Variants in PTK6 observed in about 807,000 individuals in gnomAD.
PTK6 encodes the protein protein-tyrosine kinase 6.
In PTK6, 47 loss-of-function variants were observed where a neutral mutation model predicts 47.5. That is an observed-to-expected ratio of 0.99 (90% CI 0.78 to 1.26). The LOEUF (loss-of-function observed/expected upper bound fraction) is 1.26. Among genes scored for constraint, PTK6 ranks in the 50% most tolerant of loss-of-function variants. PTK6 has a pLI of 0.00. For synonymous variants in PTK6, 287 were observed against 276.5 expected, an observed-to-expected ratio of 1.04 and a Z score of -0.38; for missense variants, 618 against 625.3, an observed-to-expected ratio of 0.99 and a Z score of 0.12.
chr20:63,534,509 C>T (rs2082649281), intron 2 of PTK6, among the ~76,000 whole-genome samples, 194 bp from the exon 3 acceptor site: 1 of 152,306 alleles, frequency 6.6e-6, no homozygotes, highest in South Asian at 2.1e-4. Context: ...AGCTCTCTGG[C>T]CCCTCCTGCC....
rs565400172 is a variant in PTK6, at chr20:63,530,189, A to G, written c.1057T>C (p.Trp353Arg). 4.3e-6 allele frequency: 7 copies of G among 1,613,884 alleles called. No homozygotes were observed. The highest frequency in any genetic ancestry group is 5.9e-6 in the Non-Finnish European group (7 of 1,179,964). ...LSHDHNIPYK[W>R]TAPEALSRGH... is the part of the protein sequence containing the mutation. ...CGGGAGAGCGCTTCAGGGGCCGTCC[A>G]CTTGTAGGGGATATTGTGGTCATGG... The change falls in exon 7 of 8, where the codon TGG (tryptophan) becomes CGG (arginine). Residue 353 changes from tryptophan (W) to arginine (R), a missense_variant. Coordinates refer to ENST00000542869, the MANE Select transcript of PTK6 (RefSeq NM_005975.4). The surrounding 1 kb of genome is among the most constrained non-coding windows in gnomAD (Gnocchi z 4.1).
At chr20:63,535,435 C>T (rs2082657109) in intron 1 of PTK6, among the ~76,000 whole-genome samples, 1 of 151,830 alleles carries the variant, frequency 6.6e-6, no homozygotes, top group African/African-American at 2.4e-5. Flanking sequence ...AACCCCCACA[C>T]ATGCGCACAG....
chr20:63,534,282 A>G lies in PTK6; in HGVS notation c.386T>C (p.Ile129Thr). 1 of 1,608,876 alleles carries G rather than the reference A, an allele frequency of 6.2e-7. No individual in the cohort carries two copies. The highest frequency in any genetic ancestry group is 8.5e-7 in the Non-Finnish European group (1 of 1,178,836). The change falls in exon 3 of 8, where the codon ATC (isoleucine) becomes ACC (threonine). Residue 129 changes from isoleucine to threonine, a missense_variant. Coordinates refer to ENST00000542869, the MANE Select transcript of PTK6 (RefSeq NM_005975.4). ...RDTQAVRHYK[I>T]WRRAGGRLHL... ...CAGCCGGCCCCCGGCACGCCGCCAG[A>G]TCTTGTAGTGCCGCACAGCCTGCGT...
At position 63,530,321 on chromosome 20, in the gene PTK6, G is replaced by A. The variant is rs2082608063; in HGVS notation, c.1015-90C>T. 16 of 1,509,308 alleles carry A rather than the reference G, an allele frequency of 1.1e-5. No individual in the cohort carries two copies. The Admixed American group carries it at 1.4e-4, about 13-fold the overall frequency. The allele number at this position is 1,509,308 out of a possible 1,614,324, so 93.5% of individuals were successfully genotyped here. ...CGGGCACAGCGGCCGCATTGCCCCA[G>A]CAGTGGGACGGTGATGACCCCACTG... is the stretch of plus-strand genomic sequence containing the variant. On this transcript the variant is annotated intron_variant, in intron 6 of 7. Transcript: ENST00000542869. This position sits in a 1 kb window ranked among gnomAD's most constrained non-coding sequence, Gnocchi z 4.1.
rs1600930449 is a variant in PTK6, at chr20:63,529,384, G to C, written c.*152C>G. 4 of 833,624 alleles carry C rather than the reference G, an allele frequency of 4.8e-6. No homozygotes were observed. In the African/African-American group the frequency reaches 5.3e-5, roughly 11 times the overall value. The allele number at this position is 833,624 out of a possible 1,614,324, so 51.6% of individuals were successfully genotyped here. A position where few individuals can be genotyped will look rare whatever the true frequency, so the allele number is the denominator to read the frequency against. On this transcript the variant is annotated 3_prime_UTR_variant, in exon 8 of 8. Coordinates refer to ENST00000542869, the MANE Select transcript of PTK6 (RefSeq NM_005975.4). This position sits in a 1 kb window ranked among gnomAD's most constrained non-coding sequence, Gnocchi z 5.6. ...GGAGTAAGGAGAGGAGCACACGCGT[G>C]TATTGGACGCAGACACTCCACATTT...
intron 5 of PTK6, among the ~76,000 whole-genome samples, chr20:63,532,161 C>CTG (rs199580858): frequency 1.5e-5 from 2 of 129,930 alleles, no homozygotes; most frequent in East Asian, 2.0e-4. Flanking sequence ...CAGTGTGTGT[C>CTG]TGTGTGTGTG....
At position 63,533,537 on chromosome 20, in the gene PTK6, C is replaced by T. The variant is rs373307439; in HGVS notation, c.670+14G>A. On this transcript the variant is annotated intron_variant, in intron 4 of 7. Coordinates refer to ENST00000542869, the MANE Select transcript of PTK6 (RefSeq NM_005975.4). The surrounding 1 kb of genome is among the most constrained non-coding windows in gnomAD (Gnocchi z 4.0). Reference sequence around the variant, plus strand: ...GCACGGGGCCACACAGAGCCCTGATCGGGGCCCACTCACCTCGAGAAATCA... The same window carrying T: ...GCACGGGGCCACACAGAGCCCTGATTGGGGCCCACTCACCTCGAGAAATCA... 15 of 1,594,330 alleles carry T rather than the reference C, an allele frequency of 9.4e-6. No individual in the cohort carries two copies. Among genetic ancestry groups the T allele is most frequent in the Admixed American group, 8.5e-5 (5 of 58,734 alleles).
In PTK6 at chr20:63,533,613, C is replaced by G; in HGVS notation, c.608G>C (p.Gly203Ala). ...TTTCCAGAGCCCCTCGAAGACCTCCCCAAAGTAGCCGGACCCCAGCTTCCT... is the reference window on the plus strand; with the variant it reads ...TTTCCAGAGCCCCTCGAAGACCTCCGCAAAGTAGCCGGACCCCAGCTTCCT... ...LCRKLGSGYF[G>A]EVFEGLWKDR... The change falls in exon 4 of 8, where the codon GGG becomes GCG. Residue 203 changes from glycine (G) to alanine (A), a missense_variant. Coordinates refer to ENST00000542869, the MANE Select transcript of PTK6 (RefSeq NM_005975.4). The surrounding 1 kb of genome is among the most constrained non-coding windows in gnomAD (Gnocchi z 4.0). 1 of 1,613,938 alleles carries G rather than the reference C, an allele frequency of 6.2e-7. No homozygotes were observed. The highest frequency in any genetic ancestry group is 8.5e-7 in the Non-Finnish European group (1 of 1,179,980).
intron 1 of PTK6, among the ~76,000 whole-genome samples, chr20:63,536,518 C>A (rs74620740): frequency 0.01 from 1,578 of 151,896 alleles, 25 homozygotes; most frequent in African/African-American, 0.036. Context: ...AGGAGCGTGA[C>A]CCTCCTCAGC....
In PTK6 at chr20:63,533,616, A is replaced by G. The variant is rs755969076; in HGVS notation, c.605T>C (p.Phe202Ser). 4.8e-5 allele frequency: 77 copies of G among 1,613,706 alleles called. No homozygotes were observed. Among genetic ancestry groups the G allele is most frequent in the Non-Finnish European group, 6.2e-5 (73 of 1,179,976 alleles). The change falls in exon 4 of 8, where the codon TTT (phenylalanine) becomes TCT (serine). Residue 202 changes from phenylalanine (F) to serine (S), a missense_variant. Phe to Ser is a radical substitution (Grantham distance 155). Coordinates refer to ENST00000542869, the MANE Select transcript of PTK6 (RefSeq NM_005975.4). This position sits in a 1 kb window ranked among gnomAD's most constrained non-coding sequence, Gnocchi z 4.0. ...TLCRKLGSGY[F>S]GEVFEGLWKD... ...CCAGAGCCCCTCGAAGACCTCCCCA[A>G]AGTAGCCGGACCCCAGCTTCCTGCA...
In PTK6 at chr20:63,529,014, A is replaced by G. The variant is rs1026071708; in HGVS notation, c.*522T>C. 6.6e-6 allele frequency: 1 copy of G among 152,334 alleles called. No homozygotes were observed. Among genetic ancestry groups the G allele is most frequent in the African/African-American group, 2.4e-5 (1 of 41,438 alleles). 9.4% of individuals were successfully genotyped at this position (152,334 alleles called of 1,614,324 possible). ...ATGCTTGGGCTGGCAGAGACCAGGG[A>G]GAGAGTTCTCACTGGTCATAAGGCC... is the stretch of plus-strand genomic sequence containing the variant. On this transcript the variant is annotated 3_prime_UTR_variant, in exon 8 of 8. Coordinates refer to ENST00000542869, the MANE Select transcript of PTK6 (RefSeq NM_005975.4). This position sits in a 1 kb window ranked among gnomAD's most constrained non-coding sequence, Gnocchi z 5.6.
At chr20:63,532,374 T>G in intron 5 of PTK6, 152 bp downstream of exon 5, 1 of 953,128 alleles carries the variant, frequency 1.0e-6, no homozygotes, top group Non-Finnish European at 1.5e-6. Flanking sequence ...TGTGTCTCTG[T>G]GTGTCTGTGT....
chr20:63,530,266 GCTGC>G lies in PTK6; in HGVS notation c.1015-39_1015-36del. 6.2e-7 allele frequency: 1 copy of G among 1,608,490 alleles called. No individual in the cohort carries two copies. Among genetic ancestry groups the G allele is most frequent in the Non-Finnish European group, 8.5e-7 (1 of 1,176,158 alleles). The stretch of plus-strand genomic sequence containing the variant: ...GCCTGGAGCTGAGTGGGCCGTGGGG[GCTGC>G]CTGTGCCCTGCCCCCGAAGCATGGA... On this transcript the variant is annotated intron_variant, in intron 6 of 7. Transcript: ENST00000542869. The surrounding 1 kb of genome is among the most constrained non-coding windows in gnomAD (Gnocchi z 4.1).
Position 63,534,986 on chromosome 20 carries a change from A to G in PTK6, c.304T>C (p.Phe102Leu). 1 of 1,608,568 alleles carries G rather than the reference A, an allele frequency of 6.2e-7. No homozygotes were observed. Among genetic ancestry groups the G allele is most frequent in the Non-Finnish European group, 8.5e-7 (1 of 1,177,842 alleles). Reference protein sequence around the residue: ...LQAEGNATGAFLIRVSEKPSA... With the variant: ...LQAEGNATGALLIRVSEKPSA... ...GGCTTCTCGCTGACCCTGATCAGGA[A>G]GGCGCCCGTGGCGTTGCCCTCGGCC... Residue 102 changes from phenylalanine (F) to leucine (L), a missense_variant, in exon 2 of 8, where the codon TTC (phenylalanine) becomes CTC (leucine). Physicochemically the swap from Phe to Leu is conservative, Grantham distance 22 (BLOSUM62 0). Transcript: ENST00000542869.
chr20:63,535,322 C>G (rs2082656246), intron 1 of PTK6, among the ~76,000 whole-genome samples: 1 of 152,168 alleles, frequency 6.6e-6, no homozygotes. Flanking sequence ...GTCTAGGGGT[C>G]AGAGCCTAGG....
chr20:63,532,076 G>A (rs149659797), intron 5 of PTK6, among the ~76,000 whole-genome samples: 1 of 152,328 alleles, frequency 6.6e-6, no homozygotes, highest in East Asian at 1.9e-4. Flanking sequence ...TGGTGAGAAA[G>A]GAAATAATGG....
chr20:63,534,284 C>G lies in PTK6; in HGVS notation c.384G>C (p.Lys128Asn). 2 of 1,608,554 alleles carry G rather than the reference C, an allele frequency of 1.2e-6. No individual in the cohort carries two copies. Among genetic ancestry groups the G allele is most frequent in the Non-Finnish European group, 1.7e-6 (2 of 1,178,738 alleles). The part of the protein sequence containing the change: ...VRDTQAVRHY[K>N]IWRRAGGRLH... ...GCCGGCCCCCGGCACGCCGCCAGAT[C>G]TTGTAGTGCCGCACAGCCTGCGTGT... Residue 128 changes from lysine (K) to asparagine (N), a missense_variant, in exon 3 of 8, where the codon AAG (lysine) becomes AAC (asparagine). Physicochemically the swap from Lys to Asn is moderately conservative, Grantham distance 94 (BLOSUM62 0). Transcript: ENST00000542869.
chr20:63,533,708 G>A lies in PTK6; in HGVS notation c.517-4C>T. ...GGGGCAGGGGCTCAGGCTCGTGCTG[G>A]AGGAAGAGTCGGGGACACAGGGCAG... On this transcript the variant is annotated splice_region_variant and splice_polypyrimidine_tract_variant and intron_variant, in intron 3 of 7. Transcript: ENST00000542869. The surrounding 1 kb of genome is among the most constrained non-coding windows in gnomAD (Gnocchi z 4.0). 6.2e-7 allele frequency: 1 copy of A among 1,610,842 alleles called. No individual in the cohort carries two copies. The highest frequency in any genetic ancestry group is 2.2e-5 in the East Asian group (1 of 44,770).
chr20:63,535,975 C>A (rs1161424197), intron 1 of PTK6, among the ~76,000 whole-genome samples: 1 of 9,716 alleles, frequency 1.0e-4, no homozygotes, highest in Non-Finnish European at 2.6e-4. Flanking sequence ...GGCCTCCCGC[C>A]CCCCCCTCAC....
Sources: allele counts gnomAD v4.1 joint callset (sites outside exome capture counted in the v4.1 genomes callset), GRCh38; gene constraint gnomAD v4.1.1; non-coding constraint Gnocchi (gnomAD v3.1); transcripts MANE v1.5; gene names NCBI Gene and HGNC (gene_info 2026-07-23, HGNC 2026-07-21).